METTL22: variants seen among roughly 807,000 people sequenced by gnomAD.
The protein encoded by METTL22 is methyltransferase-like protein 22.
A neutral mutation model predicts 48.4 loss-of-function variants in METTL22; 51 were observed. The ratio of observed to expected loss-of-function variants is 1.05; its 90% CI spans 0.84 to 1.33. The LOEUF (loss-of-function observed/expected upper bound fraction) is 1.33. Among genes scored for constraint, METTL22 ranks in the 40% most tolerant of loss-of-function variants. METTL22 has a pLI of 0.00. For missense variants in METTL22, 678 were observed against 526.9 expected (o/e 1.29, Z -2.81); for synonymous variants, 255 against 214.1 (o/e 1.19, Z -1.67).
At chr16:8,657,635 T>C in the METTL22 span, among the ~76,000 whole-genome samples, 5 of 152,168 alleles carry the variant, frequency 3.3e-5, no homozygotes, top group African/African-American at 1.2e-4. Flanking sequence ...TATAGTGGGT[T>C]GAATGGTGGC....
In METTL22 at chr16:8,634,247, G is replaced by C. The variant is rs1389101424; in HGVS notation, c.515-792G>C. Among the ~76,000 whole-genome samples the C allele has an allele frequency of 3.9e-5, 6 of 152,280 alleles. No homozygotes were observed. In the South Asian group the frequency reaches 1.2e-3, roughly 32 times the overall value. On this transcript the variant is annotated intron_variant, in intron 3 of 10. Transcript: ENST00000381920. ...GTGCCCAAGAGGACCCTACACAGTC[G>C]ATTTCTTTCCTGGTTCGGGGACAGA...
intron 1 of METTL22, among the ~76,000 whole-genome samples, chr16:8,623,044 T>C (rs2055908316): frequency 6.6e-6 from 1 of 152,218 alleles, no homozygotes; most frequent in African/African-American, 2.4e-5. Context: ...CCATGCCTGG[T>C]GGCTCACACC....
intron 3 of METTL22, among the ~76,000 whole-genome samples, chr16:8,633,461 C>A (rs1326798123): frequency 6.6e-6 from 1 of 152,158 alleles, no homozygotes; most frequent in Admixed American, 6.5e-5. Context: ...AAAAATTTAG[C>A]CTGGCATGGA....
Position 8,635,099 on chromosome 16 carries a change from T to C in METTL22, c.555+20T>C. On this transcript the variant is annotated intron_variant, in intron 4 of 10. Coordinates refer to ENST00000381920, the MANE Select transcript of METTL22 (RefSeq NM_024109.4). ...AAGCAGGTGGGTAGGTCTTGTCCGC[T>C]TCCTGTGGCCCTGATGGGTCCCTGC... The C allele has an allele frequency of 1.2e-6, 2 of 1,613,978 alleles. No homozygotes were observed. The highest frequency in any genetic ancestry group is 1.7e-6 in the Non-Finnish European group (2 of 1,179,988).
downstream of METTL22, among the ~76,000 whole-genome samples, chr16:8,650,867 AT>A (rs1456198859): frequency 6.6e-6 from 1 of 152,168 alleles, no homozygotes; most frequent in African/African-American, 2.4e-5. Flanking sequence ...TCTACTAAAA[AT>A]ACAAAAAAAT....
chr16:8,652,458 CAAAAAAAAAAAAAA>C (rs3058559), downstream of METTL22, among the ~76,000 whole-genome samples: 59 of 46,168 alleles, frequency 1.3e-3, no homozygotes, highest in South Asian at 0.057. Context: ...GACTCCGTCT[CAAAAAAAAAAAAAA>C]AAAAAAAAAA....
the METTL22 span, among the ~76,000 whole-genome samples, chr16:8,655,625 C>T: frequency 8.5e-5 from 13 of 152,226 alleles, no homozygotes; most frequent in Non-Finnish European, 1.0e-4. Flanking sequence ...AAGGTGGGAT[C>T]ACTGGGGACC....
intron 9 of METTL22, among the ~76,000 whole-genome samples, chr16:8,644,250 A>G (rs2056713273): frequency 6.6e-6 from 1 of 152,140 alleles, no homozygotes. Context: ...CAGGACCTGG[A>G]GGGCGTCCTC....
chr16:8,626,591 G>A (rs887458221), intron 2 of METTL22, among the ~76,000 whole-genome samples: 2 of 150,634 alleles, frequency 1.3e-5, no homozygotes, highest in South Asian at 2.1e-4. Context: ...TGGGATTACC[G>A]GCACCTGCCA....
intron 2 of METTL22, among the ~76,000 whole-genome samples, chr16:8,627,335 C>T (rs2056095893): frequency 6.6e-6 from 1 of 152,032 alleles, no homozygotes; most frequent in African/African-American, 2.4e-5. Flanking sequence ...CTTCTGTGGC[C>T]ACTCTCAGGT....
downstream of METTL22, among the ~76,000 whole-genome samples, chr16:8,651,386 C>CAAAAAAAAAAAAAAAAAAAAAAAAAA: frequency 2.0e-5 from 1 of 49,068 alleles, no homozygotes; most frequent in African/African-American, 8.2e-5. Flanking sequence ...GACTCTGTCT[C>CAAAAAAAAAAAAAAAAAAAAAAAAAA]AAAAAAAAAA....
At chr16:8,642,972 C>T (rs576706344) in intron 9 of METTL22, 5 of 212,190 alleles carry the variant, frequency 2.4e-5, no homozygotes, top group Non-Finnish European at 3.9e-5. Flanking sequence ...GTCTCTTTCT[C>T]TTGCTGAATC....
chr16:8,628,930 G>C lies in METTL22; in HGVS notation c.334G>C (p.Ala112Pro). The C allele has an allele frequency of 6.2e-7, 1 of 1,614,062 alleles. No individual in the cohort carries two copies. The highest frequency in any genetic ancestry group is 8.5e-7 in the Non-Finnish European group (1 of 1,180,036). ...GACTGACACCACTGGCCAGGAAGTG[G>C]CTGAAGCTCAGCTGGATGAGGATGG... ...AGTDTTGQEV[A>P]EAQLDEDGDL... is the part of the protein sequence containing the mutation. The change falls in exon 3 of 11, where the codon GCT (alanine) becomes CCT (proline). Residue 112 changes from alanine to proline, a missense_variant. Transcript: ENST00000381920.
At chr16:8,634,149 T>C (rs576421412) in intron 3 of METTL22, among the ~76,000 whole-genome samples, 1 of 152,366 alleles carries the variant, frequency 6.6e-6, no homozygotes, top group South Asian at 2.1e-4. Context: ...AGAGATCAGA[T>C]TCTAACTGCC....
intron 7 of METTL22, 84 bp from the exon 8 acceptor site, chr16:8,642,043 A>G: frequency 1.9e-6 from 2 of 1,049,712 alleles, no homozygotes; most frequent in East Asian, 4.7e-5. Context: ...TCTTCTCTTG[A>G]AGTGCCTTTT....
chr16:8,635,429 G>C, intron 5 of METTL22, 117 bp downstream of exon 5: 2 of 1,293,790 alleles, frequency 1.5e-6, no homozygotes, highest in Non-Finnish European at 2.1e-6. Context: ...TGTTGATTTT[G>C]CCATCCTGGT....
chr16:8,640,969 G>GCTGGCTGGCTGT lies in METTL22; in HGVS notation c.773-151_773-150insTCTGGCTGGCTG, dbSNP rs1491152818. Among the ~76,000 whole-genome samples the GCTGGCTGGCTGT allele has an allele frequency of 5.9e-3, 674 of 113,484 alleles. 36 individuals are homozygous for GCTGGCTGGCTGT. The highest frequency in any genetic ancestry group is 0.042 in the South Asian group (92 of 2,178). The allele number at this position is 113,484 out of a possible 152,430, so 74.4% of individuals were successfully genotyped here. On this transcript the variant is annotated intron_variant, in intron 6 of 10. Coordinates refer to ENST00000381920, the MANE Select transcript of METTL22 (RefSeq NM_024109.4). ...GGGTGGGTGGATGGCTGGCTGGCTG[G>GCTGGCTGGCTGT]CTGGCTGGCTGGCTGTAAAGATGGA...
intron 7 of METTL22, chr16:8,641,402 G>C (rs1409680829): frequency 1.5e-6 from 1 of 647,580 alleles, no homozygotes; most frequent in Non-Finnish European, 2.9e-6. Context: ...TTCTTCTCCA[G>C]GTGTTGTGGT....
At chr16:8,664,191 G>A in the METTL22 span, among the ~76,000 whole-genome samples, 3 of 151,792 alleles carry the variant, frequency 2.0e-5, no homozygotes, top group South Asian at 2.1e-4. Flanking sequence ...GGACTCAAGC[G>A]ATTCTCCTGC....
Sources: gnomAD v4.1 joint callset for allele counts (sites outside exome capture counted in the v4.1 genomes callset) on GRCh38, gnomAD v4.1.1 for gene constraint, MANE v1.5 for transcripts, NCBI Gene and HGNC (gene_info 2026-07-23, HGNC 2026-07-21) for gene names.